The following USP32 variants were observed in gnomAD, a reference collection of about 807,000 sequenced individuals.
USP32 encodes the protein ubiquitin carboxyl-terminal hydrolase 32.
Under a neutral mutation model 204.8 loss-of-function variants are expected in USP32, and 59 were observed. The ratio of observed to expected loss-of-function variants is 0.29; its 90% CI spans 0.23 to 0.36. The LOEUF is 0.36. USP32 is among the 10% of genes least tolerant of loss of function. The probability of loss-of-function intolerance (pLI) is 1.00; values close to 1 mark genes in which losing one functional copy is unlikely to be tolerated. For missense variants in USP32, 1,160 were observed against 1,946.4 expected, an observed-to-expected ratio of 0.60 and a Z score of 7.60; for synonymous variants, 517 against 678.4, an observed-to-expected ratio of 0.76 and a Z score of 3.70.
intron 2 of USP32, among the ~76,000 whole-genome samples, chr17:60,316,535 C>T (rs2087982814): frequency 6.6e-6 from 1 of 151,930 alleles, no homozygotes; most frequent in Admixed American, 6.6e-5. Flanking sequence ...CTGTGTTGTT[C>T]CTGTAACTAC....
At chr17:60,234,343 G>A (rs532609889) in intron 12 of USP32, among the ~76,000 whole-genome samples, 1 of 151,092 alleles carries the variant, frequency 6.6e-6, no homozygotes, top group Admixed American at 6.6e-5. Context: ...TCGATCTCCC[G>A]ACCTCGTGAT....
rs1405915196 is a variant in USP32 at position 60,208,157 on chromosome 17, C to T, written c.2827G>A (p.Asp943Asn). The T allele has an allele frequency of 6.2e-7, 1 of 1,602,528 alleles. No individual in the cohort carries two copies. Among genetic ancestry groups the T allele is most frequent in the East Asian group, 2.2e-5 (1 of 44,604 alleles). Residue 943 changes from aspartate to asparagine, a missense_variant, in exon 24 of 34, where the codon GAT becomes AAT. Physicochemically the swap from Asp to Asn is conservative, Grantham distance 23. Transcript: ENST00000300896. Reference sequence around the variant, plus strand: ...TTTTTTAAACCTGTGTACTTTTCATCCATATTCAGTCTTAGTCCATACCGT... The same window carrying T: ...TTTTTTAAACCTGTGTACTTTTCATTCATATTCAGTCTTAGTCCATACCGT... ...PVRYGLRLNMDEKYTGLKKQL... is the reference protein window; with the variant it reads ...PVRYGLRLNMNEKYTGLKKQL...
intron 2 of USP32, among the ~76,000 whole-genome samples, chr17:60,315,235 T>C (rs2087944723): frequency 6.6e-6 from 1 of 151,954 alleles, no homozygotes; most frequent in Non-Finnish European, 1.5e-5. Flanking sequence ...CCATCTCTAC[T>C]TAAAATACAA....
At chr17:60,233,773 CTTTA>C (rs1384204728) in intron 12 of USP32, among the ~76,000 whole-genome samples, 2 of 152,100 alleles carry the variant, frequency 1.3e-5, no homozygotes, top group Admixed American at 6.6e-5. Flanking sequence ...TTCCCTGTCT[CTTTA>C]TTTAGTAAAA....
At chr17:60,200,142 C>T (rs111888206) in intron 26 of USP32, among the ~76,000 whole-genome samples, 6,024 of 150,758 alleles carry the variant, frequency 0.04, 441 homozygotes, top group African/African-American at 0.14. Flanking sequence ...TACAGTGAGC[C>T]GAGATCGTGC....
chr17:60,265,363 A>G (rs2086562707), intron 9 of USP32, 49 bp downstream of exon 9: 2 of 1,272,448 alleles, frequency 1.6e-6, no homozygotes, highest in African/African-American at 3.0e-5. Context: ...TCCCAAATGG[A>G]GTACATGATA....
intron 1 of USP32, among the ~76,000 whole-genome samples, chr17:60,349,645 A>T (rs1229884185): frequency 9.7e-6 from 1 of 103,520 alleles, no homozygotes; most frequent in Non-Finnish European, 1.7e-5. Flanking sequence ...TATATATATT[A>T]TATATATACA....
At chr17:60,408,133 C>A (rs913778548) in intron 1 of USP32, among the ~76,000 whole-genome samples, 1 of 151,738 alleles carries the variant, frequency 6.6e-6, no homozygotes, top group South Asian at 2.1e-4. Context: ...AACAATGTGA[C>A]ATCCTGAGAT....
chr17:60,387,042 T>A (rs935135926), intron 1 of USP32, among the ~76,000 whole-genome samples: 4 of 152,200 alleles, frequency 2.6e-5, no homozygotes, highest in African/African-American at 4.8e-5. Context: ...GAAAGTTCAC[T>A]GGTGAATTTT....
At position 60,422,339 on chromosome 17, in the gene USP32, C is replaced by A. The variant is rs757242855; in HGVS notation, c.13G>T (p.Glu5Ter). 3 of 880,400 alleles carry A rather than the reference C, an allele frequency of 3.4e-6. No individual in the cohort carries two copies. The highest frequency in any genetic ancestry group is 4.8e-6 in the Non-Finnish European group (3 of 624,894). The allele number at this position is 880,400 out of a possible 1,614,324, so 54.5% of individuals were successfully genotyped here. The change falls in exon 1 of 4, where the codon GAG becomes TAG. Residue 5 changes from glutamate (E) to a stop codon, truncating the protein, a stop_gained. Transcript: ENST00000588898. LOFTEE classifies it high-confidence loss of function. ...TGTGCGCTCTGCCAAAGTCTTCGCTCGACCCCGCACATCTTGCTCCGTTCC... is the reference window on the plus strand; with the variant it reads ...TGTGCGCTCTGCCAAAGTCTTCGCTAGACCCCGCACATCTTGCTCCGTTCC...
At chr17:60,414,575 C>A (rs1226708358) in intron 1 of USP32, among the ~76,000 whole-genome samples, 1 of 150,692 alleles carries the variant, frequency 6.6e-6, no homozygotes, top group Non-Finnish European at 1.5e-5. Context: ...ATTACAGGCG[C>A]CCACCACCAG....
chr17:60,223,234 A>G (rs887016968), intron 14 of USP32, among the ~76,000 whole-genome samples, 177 bp downstream of exon 14: 1 of 152,216 alleles, frequency 6.6e-6, no homozygotes, highest in Admixed American at 6.5e-5. Flanking sequence ...AACTACTTCT[A>G]TGTAAGTTCT....
intron 5 of USP32, among the ~76,000 whole-genome samples, chr17:60,273,961 CAAAA>C (rs35639109): frequency 4.7e-5 from 2 of 42,326 alleles, no homozygotes; most frequent in African/African-American, 1.6e-4. Context: ...GACTCAGTCT[CAAAA>C]AAAAAAAAAA....
chr17:60,353,734 CTG>C (rs957623999), intron 1 of USP32, among the ~76,000 whole-genome samples: 30 of 152,194 alleles, frequency 2.0e-4, no homozygotes, highest in African/African-American at 6.3e-4. Context: ...GAGTGAGACT[CTG>C]TCTAAAAACA....
intron 2 of USP32, among the ~76,000 whole-genome samples, chr17:60,311,048 T>C (rs2087840720): frequency 6.6e-6 from 1 of 152,130 alleles, no homozygotes. Flanking sequence ...TGGGCCCAAA[T>C]ACATGGTTTG....
chr17:60,186,180 T>A (rs560248034), intron 29 of USP32, among the ~76,000 whole-genome samples: 19 of 152,252 alleles, frequency 1.2e-4, no homozygotes, highest in Non-Finnish European at 2.5e-4. Flanking sequence ...CCATAGCTTT[T>A]CTTGAAAAAT....
intron 12 of USP32, chr17:60,231,614 C>A (rs776171534): frequency 3.9e-6 from 2 of 517,694 alleles, no homozygotes; most frequent in Admixed American, 3.9e-5. Context: ...CTAAGGAGAA[C>A]AGGGACCCCC....
chr17:60,378,476 CAG>C (rs1220414716), intron 1 of USP32, among the ~76,000 whole-genome samples: 14 of 152,082 alleles, frequency 9.2e-5, no homozygotes, highest in African/African-American at 3.4e-4. Flanking sequence ...AAGCAGGACT[CAG>C]ACAGATATTT....
rs532772987 is a variant in USP32, at chr17:60,280,363, G to A, written c.571+8160C>T. On this transcript the variant is annotated intron_variant, in intron 5 of 33. Coordinates refer to ENST00000300896, the MANE Select transcript of USP32 (RefSeq NM_032582.4). ...CCACCCACCTCAGCCTCCCAAAGTG[G>A]TGGGATTACAGGCTCGGGCTACTGC... is the stretch of plus-strand genomic sequence containing the variant. 7.9e-5 allele frequency among the ~76,000 whole-genome samples: 12 copies of A among 152,130 alleles called. No individual in the cohort carries two copies. The East Asian group carries it at 2.3e-3, about 29-fold the overall frequency.
Sources: gnomAD v4.1 joint callset for allele counts (sites outside exome capture counted in the v4.1 genomes callset) on GRCh38, gnomAD v4.1.1 for gene constraint, MANE v1.5 for transcripts, NCBI Gene and HGNC (gene_info 2026-07-23, HGNC 2026-07-21) for gene names.